Variants in NAV3 observed in about 807,000 individuals in gnomAD.
The protein encoded by NAV3 is neuron navigator 3.
A neutral mutation model predicts 244.7 loss-of-function variants in NAV3; 87 were observed. That is an observed-to-expected ratio of 0.36 (90% CI 0.30 to 0.42). NAV3 has a LOEUF of 0.42. Among genes scored for constraint, NAV3 ranks in the 20% least tolerant of loss-of-function variants. NAV3 has a pLI of 1.00. For synonymous variants in NAV3, 1,126 were observed against 1,042.2 expected, an observed-to-expected ratio of 1.08 and a Z score of -1.55; for missense variants, 2,663 against 2,893.3, an observed-to-expected ratio of 0.92 and a Z score of 1.83.
chr12:78,081,792 T>C (rs1000489519), intron 12 of NAV3, among the ~76,000 whole-genome samples: 4 of 152,154 alleles, frequency 2.6e-5, no homozygotes, highest in Non-Finnish European at 2.9e-5. Context: ...CAAGTGCCCC[T>C]TTCCCCGGGC....
At chr12:77,884,533 G>C (rs1883052622) in intron 1 of NAV3, among the ~76,000 whole-genome samples, 1 of 152,102 alleles carries the variant, frequency 6.6e-6, no homozygotes, top group African/African-American at 2.4e-5. Context: ...GGAGAACCTG[G>C]AGTTCTGGTG....
chr12:78,184,607 A>G (rs1180485753), intron 30 of NAV3, among the ~76,000 whole-genome samples: 1 of 151,864 alleles, frequency 6.6e-6, no homozygotes, highest in Non-Finnish European at 1.5e-5. Context: ...TCAAAATTAC[A>G]TATACTTAAT....
intron 9 of NAV3, among the ~76,000 whole-genome samples, chr12:78,039,641 G>A (rs770117): frequency 0.31 from 46,840 of 151,876 alleles, 7,825 homozygotes; most frequent in African/African-American, 0.44. Flanking sequence ...ATTTCCTATT[G>A]AAAGATGGCA....
chr12:77,866,942 A>C (rs1331350130), intron 1 of NAV3, among the ~76,000 whole-genome samples: 1 of 152,224 alleles, frequency 6.6e-6, no homozygotes, highest in African/African-American at 2.4e-5. Context: ...ATTCTAGAGT[A>C]TTAGAATGAA....
At chr12:77,677,927 A>T (rs1212514156) in intron 2 of NAV3, among the ~76,000 whole-genome samples, 1 of 151,964 alleles carries the variant, frequency 6.6e-6, no homozygotes, top group African/African-American at 2.4e-5. Flanking sequence ...TTCTTATAGT[A>T]AATAGATTTT....
intron 2 of NAV3, among the ~76,000 whole-genome samples, chr12:77,769,929 G>C (rs943547988): frequency 6.6e-6 from 1 of 152,064 alleles, no homozygotes; most frequent in Non-Finnish European, 1.5e-5. Context: ...CAGGTAACTA[G>C]GATATTTTTT....
At chr12:78,095,064 TACACACACACACACACACAC>T (rs56856471) in intron 12 of NAV3, among the ~76,000 whole-genome samples, 28 of 137,466 alleles carry the variant, frequency 2.0e-4, no homozygotes, top group Non-Finnish European at 3.1e-4. Flanking sequence ...TATATATATA[TACACACACACACACACACAC>T]ACACATATAT....
chr12:77,741,846 T>C (rs980950114), intron 2 of NAV3, among the ~76,000 whole-genome samples: 1 of 152,140 alleles, frequency 6.6e-6, no homozygotes, highest in Admixed American at 6.6e-5. Flanking sequence ...TTAATGCTTT[T>C]TGGCATTAAT....
At chr12:77,884,390 A>G (rs1194209646) in intron 1 of NAV3, among the ~76,000 whole-genome samples, 1 of 152,112 alleles carries the variant, frequency 6.6e-6, no homozygotes, top group African/African-American at 2.4e-5. Context: ...GGAGGCTCAA[A>G]GATACTGGTA....
intron 12 of NAV3, among the ~76,000 whole-genome samples, chr12:78,089,359 T>A (rs1953804202): frequency 6.6e-6 from 1 of 151,900 alleles, no homozygotes. Flanking sequence ...TTTTAACATA[T>A]TTTTTAAAGC....
At chr12:77,868,346 A>G (rs1592836258) in intron 1 of NAV3, among the ~76,000 whole-genome samples, 2 of 152,256 alleles carry the variant, frequency 1.3e-5, no homozygotes, top group East Asian at 3.9e-4. Flanking sequence ...ATTCTATTTT[A>G]TCTTATTTTA....
At chr12:77,679,566 T>C (rs1291035536) in intron 2 of NAV3, among the ~76,000 whole-genome samples, 2 of 151,466 alleles carry the variant, frequency 1.3e-5, no homozygotes, top group Non-Finnish European at 2.9e-5. Context: ...ATCAATGAGT[T>C]GTTTATTAAG....
intron 2 of NAV3, among the ~76,000 whole-genome samples, chr12:77,723,755 C>CTTTT (rs34518266): frequency 0.51 from 34,176 of 67,332 alleles, 11,884 homozygotes; most frequent in East Asian, 0.8. Context: ...GCAATCTTGA[C>CTTTT]TTTTTTTTTT....
chr12:77,995,937 C>T (rs1872285536), intron 6 of NAV3, among the ~76,000 whole-genome samples: 1 of 152,042 alleles, frequency 6.6e-6, no homozygotes, highest in Non-Finnish European at 1.5e-5. Context: ...CTCTCTGCTT[C>T]ATCTCATTTC....
intron 1 of NAV3, among the ~76,000 whole-genome samples, chr12:77,856,519 A>G (rs1047051082): frequency 6.6e-5 from 10 of 152,150 alleles, no homozygotes; most frequent in East Asian, 3.8e-4. Context: ...GTTTAACTCA[A>G]TCTTTGAATT....
intron 13 of NAV3, 118 bp from the exon 14 acceptor site, chr12:78,117,909 G>A (rs1045344485): frequency 2.0e-5 from 20 of 1,005,300 alleles, no homozygotes; most frequent in Middle Eastern, 2.4e-4. Context: ...GTAAGTGAAG[G>A]TAAATCAAAA....
intron 2 of NAV3, among the ~76,000 whole-genome samples, chr12:77,686,264 C>G (rs552887456): frequency 2.6e-5 from 4 of 151,854 alleles, no homozygotes; most frequent in African/African-American, 4.8e-5. Flanking sequence ...GGCTAGTTTT[C>G]GTATTTTTGG....
intron 2 of NAV3, among the ~76,000 whole-genome samples, chr12:77,633,742 C>G (rs577367686): frequency 6.6e-6 from 1 of 152,040 alleles, no homozygotes; most frequent in Non-Finnish European, 1.5e-5. Flanking sequence ...AGTTCAAAGT[C>G]GAGACATTTC....
At chr12:77,868,161 C>T (rs1880368697) in intron 1 of NAV3, among the ~76,000 whole-genome samples, 1 of 152,082 alleles carries the variant, frequency 6.6e-6, no homozygotes, top group Non-Finnish European at 1.5e-5. Context: ...TACTAGGCTT[C>T]AAGTGTGAAG....
Sources: gnomAD v4.1 joint callset for allele counts (sites outside exome capture counted in the v4.1 genomes callset) on GRCh38, gnomAD v4.1.1 for gene constraint, MANE v1.5 for transcripts, NCBI Gene and HGNC (gene_info 2026-07-23, HGNC 2026-07-21) for gene names.